The following CLASP1 variants were observed in gnomAD, a reference collection of about 807,000 sequenced individuals.
The protein encoded by CLASP1 is cytoplasmic linker associated protein 1.
In CLASP1, 38 loss-of-function variants were observed where a neutral mutation model predicts 192.3. That is an observed-to-expected ratio of 0.20 (90% CI 0.15 to 0.26). CLASP1 has a LOEUF of 0.26. Among genes scored for constraint, CLASP1 ranks in the 10% least tolerant of loss-of-function variants. The pLI is 1.00. For missense variants in CLASP1, 1,433 were observed against 1,932.5 expected (o/e 0.74, Z 4.85); for synonymous variants, 691 against 712.8 (o/e 0.97, Z 0.49).
intron 8 of CLASP1, chr2:121,470,307 T>C (rs1311136744): frequency 8.9e-6 from 4 of 447,330 alleles, no homozygotes; most frequent in African/African-American, 8.7e-5. Context: ...TTTTTTTTTT[T>C]TTTTTTTTTT....
At chr2:121,470,440 G>A (rs1228238201) in intron 8 of CLASP1, among the ~76,000 whole-genome samples, 1 of 151,446 alleles carries the variant, frequency 6.6e-6, no homozygotes, top group Non-Finnish European at 1.5e-5. Context: ...CAGCTGAGAT[G>A]AGAGTATATA....
chr2:121,569,690 A>G (rs940273647), intron 2 of CLASP1, among the ~76,000 whole-genome samples: 1 of 152,148 alleles, frequency 6.6e-6, no homozygotes, highest in African/African-American at 2.4e-5. Context: ...GGATATAAAA[A>G]GTTAGCAGGG....
intron 8 of CLASP1, among the ~76,000 whole-genome samples, chr2:121,498,865 G>A (rs1335005444): frequency 6.6e-6 from 1 of 152,150 alleles, no homozygotes; most frequent in East Asian, 1.9e-4. Flanking sequence ...ATACCACAAT[G>A]AGATACCACT....
intron 19 of CLASP1, chr2:121,444,811 G>A: frequency 2.0e-6 from 1 of 497,450 alleles, no homozygotes; most frequent in South Asian, 1.7e-5. Flanking sequence ...AAAGAGAGGA[G>A]GAGAAACAGC....
At chr2:121,525,057 T>G (rs2094543930) in intron 6 of CLASP1, among the ~76,000 whole-genome samples, 1 of 152,168 alleles carries the variant, frequency 6.6e-6, no homozygotes, top group Non-Finnish European at 1.5e-5. Flanking sequence ...AACCAAGATT[T>G]CACAGGAGAG....
chr2:121,500,842 C>G (rs371832804), intron 8 of CLASP1, among the ~76,000 whole-genome samples: 2 of 152,180 alleles, frequency 1.3e-5, no homozygotes, highest in African/African-American at 4.8e-5. Context: ...TTAAGGCTTC[C>G]TTACCATTTG....
intron 36 of CLASP1, among the ~76,000 whole-genome samples, chr2:121,363,844 C>T (rs2066873605): frequency 6.6e-6 from 1 of 152,126 alleles, no homozygotes. Context: ...CAGAGTCACG[C>T]ATCTGGAGGA....
chr2:121,407,680 C>T lies in CLASP1; in HGVS notation c.2460G>A (p.Gly820=), dbSNP rs752189320. 2.5e-6 allele frequency: 4 copies of T among 1,613,950 alleles called. No homozygotes were observed. In the South Asian group the frequency reaches 3.3e-5, roughly 13 times the overall value. ...TGTTGGCATCATCGTCAGAATACAT[C>T]CCATACGGCTCATATCTCCTCCTCA... The change falls in exon 25 of 40, where the codon GGG becomes GGA. Residue 820 remains glycine, a synonymous_variant. Coordinates refer to ENST00000263710, the Ensembl canonical transcript of CLASP1.
At chr2:121,435,704 G>A (rs542817148) in intron 19 of CLASP1, among the ~76,000 whole-genome samples, 7 of 151,820 alleles carry the variant, frequency 4.6e-5, no homozygotes, top group East Asian at 1.9e-4. Context: ...TATGAAAAAC[G>A]CAGCCATTAA....
At chr2:121,370,770 C>T (rs1029582722) in intron 34 of CLASP1, among the ~76,000 whole-genome samples, 13 of 152,342 alleles carry the variant, frequency 8.5e-5, no homozygotes, top group Middle Eastern at 3.4e-3. Flanking sequence ...ACTCCCCCCA[C>T]TCCACCTGTC....
intron 25 of CLASP1, among the ~76,000 whole-genome samples, 167 bp downstream of exon 26, chr2:121,407,304 G>GT (rs755308558): frequency 1.1e-3 from 164 of 152,168 alleles, no homozygotes; most frequent in Non-Finnish European, 1.8e-3. Flanking sequence ...CAAGGACTGT[G>GT]TCTTAGTCAT....
At chr2:121,646,414 CTT>C (rs750835808) in intron 1 of CLASP1, among the ~76,000 whole-genome samples, 11 of 152,256 alleles carry the variant, frequency 7.2e-5, no homozygotes, top group Non-Finnish European at 1.3e-4. Flanking sequence ...AGCCTCTTCT[CTT>C]GTTTTCTAGG....
chr2:121,631,742 C>T (rs1369353840), intron 1 of CLASP1, among the ~76,000 whole-genome samples: 1 of 151,518 alleles, frequency 6.6e-6, no homozygotes, highest in Non-Finnish European at 1.5e-5. Flanking sequence ...GAGACCCCAT[C>T]TCTACAAAAA....
intron 24 of CLASP1, among the ~76,000 whole-genome samples, chr2:121,409,785 C>T (rs1035275482): frequency 2.0e-5 from 3 of 152,140 alleles, no homozygotes; most frequent in Admixed American, 2.0e-4. Context: ...CTCTTGACTC[C>T]TAAAGCCATG....
At chr2:121,605,326 C>T (rs180855308) in intron 2 of CLASP1, among the ~76,000 whole-genome samples, 56 of 152,298 alleles carry the variant, frequency 3.7e-4, no homozygotes, top group Non-Finnish European at 6.3e-4. Context: ...CAGAGAAAAT[C>T]AGTGAAGACA....
At chr2:121,347,497 A>G (rs2063596373) in intron 38 of CLASP1, among the ~76,000 whole-genome samples, 1 of 152,152 alleles carries the variant, frequency 6.6e-6, no homozygotes, top group Non-Finnish European at 1.5e-5. Context: ...GGGGAAAGAG[A>G]ACTTGGTTTA....
intron 23 of CLASP1, among the ~76,000 whole-genome samples, chr2:121,412,747 T>C (rs2077926810): frequency 6.6e-6 from 1 of 152,206 alleles, no homozygotes; most frequent in African/African-American, 2.4e-5. Flanking sequence ...TATAGATCAT[T>C]TGATATATAT....
At chr2:121,499,814 A>G (rs935912179) in intron 8 of CLASP1, among the ~76,000 whole-genome samples, 19 of 142,554 alleles carry the variant, frequency 1.3e-4, no homozygotes, top group South Asian at 4.4e-4. Context: ...CTGCTCTGGG[A>G]AAAAAAAAAA....
At chr2:121,456,498 G>T (rs1439949323) in intron 14 of CLASP1, among the ~76,000 whole-genome samples, 1 of 148,768 alleles carries the variant, frequency 6.7e-6, no homozygotes, top group African/African-American at 2.5e-5. Flanking sequence ...AGGAAGAAAG[G>T]CAAGAAAGGA....
Sources: allele counts gnomAD v4.1 joint callset (sites outside exome capture counted in the v4.1 genomes callset), GRCh38; gene constraint gnomAD v4.1.1; transcripts MANE v1.5; gene names NCBI Gene and HGNC (gene_info 2026-07-23, HGNC 2026-07-21).